ANKRD55: variants seen among roughly 807,000 people sequenced by gnomAD.
ANKRD55 encodes the protein ankyrin repeat domain-containing protein 55.
Under a neutral mutation model 60.6 loss-of-function variants are expected in ANKRD55, and 41 were observed. That is an observed-to-expected ratio of 0.68 (90% CI 0.53 to 0.88). ANKRD55 has a LOEUF of 0.88. ANKRD55 is among the 40% of genes least tolerant of loss of function. ANKRD55 has a pLI of 0.00. For missense variants in ANKRD55, 732 were observed against 767.6 expected (o/e 0.95, Z 0.55); for synonymous variants, 264 against 290.3 (o/e 0.91, Z 0.92).
intron 7 of ANKRD55, among the ~76,000 whole-genome samples, chr5:56,140,026 G>A (rs1012710222): frequency 1.6e-4 from 25 of 152,276 alleles, no homozygotes; most frequent in Admixed American, 1.6e-3. Flanking sequence ...TAGGCCTACT[G>A]TTTCCAATCT....
chr5:56,137,213 A>C (rs897858475), intron 7 of ANKRD55: 1 of 1,609,824 alleles, frequency 6.2e-7, no homozygotes, highest in Non-Finnish European at 8.5e-7. Context: ...GGGGCTGGAC[A>C]CAAGGTCGGT....
chr5:56,143,545 G>A (rs1226126808), intron 7 of ANKRD55, among the ~76,000 whole-genome samples: 1 of 152,196 alleles, frequency 6.6e-6, no homozygotes, highest in Non-Finnish European at 1.5e-5. Flanking sequence ...TAAGCCGGTA[G>A]CAAACATTGA....
intron 10 of ANKRD55, among the ~76,000 whole-genome samples, chr5:56,104,154 T>C (rs1047917244): frequency 1.3e-5 from 2 of 152,204 alleles, no homozygotes; most frequent in African/African-American, 4.8e-5. Context: ...TAATTTTGAG[T>C]TATGTTTATG....
chr5:56,203,340 T>A (rs1759423467), intron 2 of ANKRD55, among the ~76,000 whole-genome samples: 1 of 152,142 alleles, frequency 6.6e-6, no homozygotes, highest in African/African-American at 2.4e-5. Context: ...TTTTTTAAAA[T>A]TTAATTTAAT....
At chr5:56,125,991 G>A (rs1757241801) in intron 8 of ANKRD55, among the ~76,000 whole-genome samples, 1 of 152,044 alleles carries the variant, frequency 6.6e-6, no homozygotes, top group Non-Finnish European at 1.5e-5. Context: ...AAAGTAAGCT[G>A]GGCATGGTGG....
At position 56,183,535 on chromosome 5, in the gene ANKRD55, A is replaced by G. The variant is rs1177596855; in HGVS notation, c.158T>C (p.Ile53Thr). The change falls in exon 3 of 12, where the codon ATC becomes ACC. Residue 53 changes from isoleucine (I) to threonine (T), a missense_variant. Ile to Thr is a moderately conservative substitution (Grantham distance 89, BLOSUM62 -1). Coordinates refer to ENST00000341048, the MANE Select transcript of ANKRD55 (RefSeq NM_024669.3). ...ACCTTCACTGTCACAGCATTCTAGG[A>G]TAGAAGGGTCTTCCCGAATCACTGC... ...LTAVIREDPS[I>T]LECCDSEGCT... 6.2e-7 allele frequency: 1 copy of G among 1,614,202 alleles called. No homozygotes were observed. The highest frequency in any genetic ancestry group is 1.7e-5 in the Admixed American group (1 of 60,018).
intron 4 of ANKRD55, 43 bp from the exon 5 acceptor site, chr5:56,170,846 A>C: frequency 1.3e-3 from 2,062 of 1,531,870 alleles, no homozygotes; most frequent in Non-Finnish European, 1.7e-3. Context: ...ACAGAAGCTC[A>C]CGTAACATGG....
At chr5:56,214,153 C>G (rs1341021462) in intron 2 of ANKRD55, among the ~76,000 whole-genome samples, 1 of 152,222 alleles carries the variant, frequency 6.6e-6, no homozygotes, top group Non-Finnish European at 1.5e-5. Context: ...ATTCAATTAT[C>G]TCCACCTGGC....
intron 8 of ANKRD55, among the ~76,000 whole-genome samples, chr5:56,117,816 C>A (rs1446098031): frequency 6.6e-6 from 1 of 152,168 alleles, no homozygotes; most frequent in Non-Finnish European, 1.5e-5. Context: ...ATTCCTTATT[C>A]ATTTTTTCTT....
At chr5:56,160,370 C>G (rs151090048) in intron 5 of ANKRD55, among the ~76,000 whole-genome samples, 2,508 of 152,324 alleles carry the variant, frequency 0.016, 22 homozygotes, top group Non-Finnish European at 0.025. Context: ...TCCCGAGTAG[C>G]TGGGACTACA....
In ANKRD55 at chr5:56,111,748, T is replaced by C. The variant is rs1438364927; in HGVS notation, c.1000A>G (p.Ser334Gly). The C allele has an allele frequency of 9.9e-6, 15 of 1,514,716 alleles. No individual in the cohort carries two copies. The highest frequency in any genetic ancestry group is 1.2e-5 in the Non-Finnish European group (14 of 1,136,180). 93.8% of individuals were successfully genotyped at this position (1,514,716 alleles called of 1,614,324 possible). A position where few individuals can be genotyped will look rare whatever the true frequency, so the allele number is the denominator to read the frequency against. ...CGTCTCTCCTTCTTCTGGGGCCGAC[T>C]GCTCTGGGAGGGAGGGGGTCGAGTA... ...EPTRPPPSQS[S>G]RPQKKERRFN... The change falls in exon 10 of 12, where the codon AGT (serine) becomes GGT (glycine). Residue 334 changes from serine to glycine, a missense_variant. This residue lies in a region of ANKRD55 where 597 missense variants were observed against 607.5 expected (regional missense o/e 0.98). Coordinates refer to ENST00000341048, the MANE Select transcript of ANKRD55 (RefSeq NM_024669.3).
chr5:56,151,931 G>A (rs7719433), intron 6 of ANKRD55, among the ~76,000 whole-genome samples: 1,277 of 81,564 alleles, frequency 0.016, 13 homozygotes, highest in African/African-American at 0.046. Flanking sequence ...ATGTATATAT[G>A]TATATATGTG....
chr5:56,154,230 C>T (rs10077742), intron 6 of ANKRD55, among the ~76,000 whole-genome samples: 35,788 of 134,968 alleles, frequency 0.27, 4,718 homozygotes, highest in Middle Eastern at 0.31. Flanking sequence ...AAAAAAGTTG[C>T]AGAACACATA....
intron 6 of ANKRD55, among the ~76,000 whole-genome samples, chr5:56,155,286 A>G (rs1758164724): frequency 6.6e-6 from 1 of 152,054 alleles, no homozygotes; most frequent in African/African-American, 2.4e-5. Context: ...ACAGAGAAGG[A>G]CTGAAAAAAG....
In ANKRD55 at chr5:56,102,554, GTC is replaced by G; in HGVS notation, c.1661_1662del (p.Arg554ThrfsTer50). The stretch of plus-strand genomic sequence containing the variant: ...GTGAAAGGAAGATCCCTGATTTTGT[GTC>G]TGTTTGGGGAAAGATGCTGAAAATT... ...GQNFQHLSPN[R>X]HKIRDLPFTR... On this transcript the variant is annotated frameshift_variant, in exon 11 of 12. Coordinates refer to ENST00000341048, the MANE Select transcript of ANKRD55 (RefSeq NM_024669.3). LOFTEE classifies it high-confidence loss of function. 1 of 1,613,656 alleles carries G rather than the reference GTC, an allele frequency of 6.2e-7. No individual in the cohort carries two copies. The highest frequency in any genetic ancestry group is 1.1e-5 in the South Asian group (1 of 91,074).
intron 7 of ANKRD55, among the ~76,000 whole-genome samples, chr5:56,138,153 A>C (rs1440378214): frequency 4.0e-4 from 55 of 138,488 alleles, no homozygotes; most frequent in African/African-American, 1.4e-3. Flanking sequence ...TTTGAGACAG[A>C]GTCTTACCCT....
intron 6 of ANKRD55, among the ~76,000 whole-genome samples, chr5:56,145,949 A>G (rs2111764530): frequency 6.6e-6 from 1 of 152,340 alleles, no homozygotes; most frequent in East Asian, 1.9e-4. Flanking sequence ...AGTACATTCT[A>G]ATTGGTCCTC....
chr5:56,100,637 C>G (rs1484853850), intron 11 of ANKRD55, among the ~76,000 whole-genome samples: 1 of 152,062 alleles, frequency 6.6e-6, no homozygotes, highest in Non-Finnish European at 1.5e-5. Context: ...TAAAGAAGGC[C>G]CAAGACATTT....
At chr5:56,137,669 A>T in intron 7 of ANKRD55, 1 of 486,452 alleles carries the variant, frequency 2.1e-6, no homozygotes, top group Non-Finnish European at 3.6e-6. Flanking sequence ...TGGAAGAAAA[A>T]ATTGATAACC....
Sources: allele counts gnomAD v4.1 joint callset (sites outside exome capture counted in the v4.1 genomes callset), GRCh38; gene constraint gnomAD v4.1.1; regional missense constraint gnomAD v4.1.1; transcripts MANE v1.5; gene names NCBI Gene and HGNC (gene_info 2026-07-23, HGNC 2026-07-21).